Variants in SGCZ observed in about 807,000 individuals in gnomAD.
SGCZ encodes the protein zeta-sarcoglycan.
Under a neutral mutation model 41.3 loss-of-function variants are expected in SGCZ, and 40 were observed. That is an observed-to-expected ratio of 0.97 (90% CI 0.75 to 1.26). The LOEUF (loss-of-function observed/expected upper bound fraction) is 1.26. Among genes scored for constraint, SGCZ ranks in the 50% most tolerant of loss-of-function variants. The pLI is 0.00. For synonymous variants in SGCZ, 206 were observed against 137.5 expected (o/e 1.50, Z -3.49); for missense variants, 552 against 369.8 (o/e 1.49, Z -4.04).
intron 7 of SGCZ, among the ~76,000 whole-genome samples, chr8:14,096,595 G>C (rs533402880): frequency 2.0e-5 from 3 of 152,246 alleles, no homozygotes; most frequent in Admixed American, 6.5e-5. Flanking sequence ...CCAGGTTTTG[G>C]TATCAGGATG....
intron 2 of SGCZ, among the ~76,000 whole-genome samples, chr8:14,520,838 C>G (rs1472263749): frequency 6.6e-6 from 1 of 152,004 alleles, no homozygotes; most frequent in African/African-American, 2.4e-5. Context: ...CTTTCTCACG[C>G]TCTCTAATAA....
At chr8:14,842,693 T>C (rs571457048) in intron 1 of SGCZ, among the ~76,000 whole-genome samples, 6 of 152,298 alleles carry the variant, frequency 3.9e-5, no homozygotes, top group Non-Finnish European at 8.8e-5. Context: ...ACTTTTGAAA[T>C]GCTTTAAGCC....
chr8:14,366,906 A>G (rs1401549712), intron 2 of SGCZ, among the ~76,000 whole-genome samples: 1 of 152,080 alleles, frequency 6.6e-6, no homozygotes. Flanking sequence ...TCTGTAACAT[A>G]CCCTGGAGAC....
intron 1 of SGCZ, among the ~76,000 whole-genome samples, chr8:15,233,379 C>T (rs1370640983): frequency 6.7e-6 from 1 of 150,062 alleles, no homozygotes; most frequent in Non-Finnish European, 1.5e-5. Context: ...CTTTTAAGTG[C>T]CAACTCTCTT....
At chr8:14,658,866 G>GA (rs1443751430) in intron 1 of SGCZ, among the ~76,000 whole-genome samples, 1 of 150,628 alleles carries the variant, frequency 6.6e-6, no homozygotes, top group Non-Finnish European at 1.5e-5. Flanking sequence ...AGGAGGGAAG[G>GA]AAAAAAAGAG....
At chr8:14,873,001 A>G (rs1393245106) in intron 1 of SGCZ, among the ~76,000 whole-genome samples, 3 of 152,184 alleles carry the variant, frequency 2.0e-5, no homozygotes, top group Non-Finnish European at 4.4e-5. Context: ...GACATAATCA[A>G]TTCATGATGT....
chr8:15,012,211 C>A (rs934465130), intron 1 of SGCZ, among the ~76,000 whole-genome samples: 1 of 151,722 alleles, frequency 6.6e-6, no homozygotes, highest in East Asian at 1.9e-4. Flanking sequence ...GCCTGTAATA[C>A]CCGCATTTTG....
intron 2 of SGCZ, among the ~76,000 whole-genome samples, chr8:14,520,524 G>A (rs1452180384): frequency 6.6e-6 from 1 of 152,036 alleles, no homozygotes; most frequent in Non-Finnish European, 1.5e-5. Flanking sequence ...TAACAATTCT[G>A]CAAGGGAAAT....
intron 5 of SGCZ, among the ~76,000 whole-genome samples, chr8:14,150,848 A>G (rs1192085669): frequency 2.6e-5 from 4 of 152,180 alleles, no homozygotes; most frequent in Non-Finnish European, 5.9e-5. Flanking sequence ...TGCCATAAAA[A>G]AGAATGAAAT....
intron 3 of SGCZ, among the ~76,000 whole-genome samples, chr8:14,264,988 C>CA (rs545721125): frequency 1.0e-3 from 158 of 151,760 alleles, no homozygotes; most frequent in African/African-American, 2.5e-3. Context: ...AACAAAAACA[C>CA]AAAAAAACAA....
At chr8:14,902,746 A>C (rs966213306) in intron 1 of SGCZ, among the ~76,000 whole-genome samples, 2 of 152,146 alleles carry the variant, frequency 1.3e-5, no homozygotes, top group Non-Finnish European at 2.9e-5. Context: ...TACAATTCTT[A>C]AGCATAGACA....
intron 5 of SGCZ, among the ~76,000 whole-genome samples, chr8:14,158,546 T>A (rs546946883): frequency 6.6e-6 from 1 of 152,212 alleles, no homozygotes; most frequent in South Asian, 2.1e-4. Flanking sequence ...ATACCTTGCA[T>A]CCTTCAATCC....
intron 4 of SGCZ, among the ~76,000 whole-genome samples, chr8:14,169,980 A>G (rs1365692993): frequency 2.0e-5 from 3 of 152,078 alleles, no homozygotes. Flanking sequence ...AAACTTTCCT[A>G]TTACTTGAAT....
rs73192401 is a variant in SGCZ at position 14,601,165 on chromosome 8, C to T, written c.40-46239G>A. ...TAATATTATTTGGTAGGTTCAATAA[C>T]ATTTTACATGCAGCTATAATTTATT... On this transcript the variant is annotated intron_variant, in intron 1 of 7. Coordinates refer to ENST00000382080, the MANE Select transcript of SGCZ (RefSeq NM_139167.4). Among the ~76,000 whole-genome samples, 734 of 151,986 alleles carry T rather than the reference C, an allele frequency of 4.8e-3. 3 individuals are homozygous for T. The highest frequency in any genetic ancestry group is 8.7e-3 in the Non-Finnish European group (592 of 67,926).
At chr8:15,159,970 C>G (rs1799462177) in intron 1 of SGCZ, among the ~76,000 whole-genome samples, 1 of 151,772 alleles carries the variant, frequency 6.6e-6, no homozygotes, top group Admixed American at 6.6e-5. Context: ...GAGTAGGAGA[C>G]AGAACAGCAG....
At chr8:14,822,927 C>A (rs560929945) in intron 1 of SGCZ, among the ~76,000 whole-genome samples, 40 of 151,886 alleles carry the variant, frequency 2.6e-4, no homozygotes, top group African/African-American at 9.2e-4. Flanking sequence ...AGTGCCATGC[C>A]ACTATAACCC....
intron 2 of SGCZ, among the ~76,000 whole-genome samples, chr8:14,420,988 G>C (rs1799622229): frequency 6.6e-6 from 1 of 152,010 alleles, no homozygotes; most frequent in Non-Finnish European, 1.5e-5. Context: ...TATTTCAGAA[G>C]ATATTTGTAA....
At chr8:14,576,883 T>C (rs1187615186) in intron 1 of SGCZ, among the ~76,000 whole-genome samples, 2 of 152,208 alleles carry the variant, frequency 1.3e-5, no homozygotes, top group African/African-American at 4.8e-5. Flanking sequence ...AAGAAGGAGC[T>C]ATGAAGGATG....
chr8:14,366,819 T>C (rs1378290837), intron 2 of SGCZ, among the ~76,000 whole-genome samples: 1 of 152,128 alleles, frequency 6.6e-6, no homozygotes, highest in Non-Finnish European at 1.5e-5. Context: ...ACTTCTTAGA[T>C]ACAATGAGGA....
Sources: allele counts gnomAD v4.1 joint callset (sites outside exome capture counted in the v4.1 genomes callset), GRCh38; gene constraint gnomAD v4.1.1; transcripts MANE v1.5; gene names NCBI Gene and HGNC (gene_info 2026-07-23, HGNC 2026-07-21).